CNOT7: variants seen among roughly 807,000 people sequenced by gnomAD.
The protein encoded by CNOT7 is CCR4-NOT transcription complex subunit 7, also known as BTG1-binding factor 1.
Under a neutral mutation model 37.1 loss-of-function variants are expected in CNOT7, and 4 were observed. The ratio of observed to expected loss-of-function variants is 0.11; its 90% confidence interval spans 0.05 to 0.25. The LOEUF is 0.25. Among genes scored for constraint, CNOT7 ranks in the 10% least tolerant of loss-of-function variants. CNOT7 has a pLI of 1.00. For synonymous variants in CNOT7, 128 were observed against 115.6 expected (o/e 1.11, Z -0.69); for missense variants, 170 against 336.2 (o/e 0.51, Z 3.87).
intron 6 of CNOT7, chr8:17,231,476 A>C (rs1248921491): frequency 1.0e-6 from 1 of 965,580 alleles, no homozygotes; most frequent in Non-Finnish European, 1.2e-6. Flanking sequence ...ACGTGTCATG[A>C]ATGGATAGTC....
intron 3 of CNOT7, among the ~76,000 whole-genome samples, chr8:17,240,380 T>C (rs1335926559): frequency 3.9e-5 from 6 of 152,114 alleles, no homozygotes; most frequent in African/African-American, 7.2e-5. Context: ...TCAACAGCTA[T>C]TGTTAGCATT....
chr8:17,232,852 G>C (rs1430134398), intron 5 of CNOT7, among the ~76,000 whole-genome samples: 1 of 152,114 alleles, frequency 6.6e-6, no homozygotes, highest in Non-Finnish European at 1.5e-5. Context: ...TATTTATCAA[G>C]TACACTCATA....
At chr8:17,236,039 T>TA (rs1040741316) in intron 4 of CNOT7, among the ~76,000 whole-genome samples, 7 of 151,932 alleles carry the variant, frequency 4.6e-5, no homozygotes, top group African/African-American at 9.6e-5. Context: ...GAAAAATGAC[T>TA]AAAAAAAAGG....
rs1255353593 is a variant in CNOT7 at position 17,225,721 on chromosome 8, A to ATATT, written c.*4998_*4999insAATA. On this transcript the variant is annotated 3_prime_UTR_variant, in exon 7 of 7. Transcript: ENST00000361272. ...GTTTCTATAATGTCTTAATAGAAAA[A>ATATT]TAAATGACAGGTAACGTTGTTATAA... The ATATT allele has an allele frequency of 6.6e-6, 1 of 151,742 alleles. No homozygotes were observed. Among genetic ancestry groups the ATATT allele is most frequent in the East Asian group, 1.9e-4 (1 of 5,194 alleles). 9.4% of individuals were successfully genotyped at this position (151,742 alleles called of 1,614,324 possible).
At chr8:17,244,046 A>G (rs761570627) in intron 2 of CNOT7, among the ~76,000 whole-genome samples, 7 of 152,318 alleles carry the variant, frequency 4.6e-5, no homozygotes, top group Non-Finnish European at 1.0e-4. Flanking sequence ...AAAGAAATCA[A>G]TATTTCTCTA....
chr8:17,231,390 T>C (rs1245767489), intron 6 of CNOT7: 3 of 308,940 alleles, frequency 9.7e-6, no homozygotes, highest in Non-Finnish European at 1.4e-5. Context: ...ATTTTTAAAA[T>C]GCAAAGCTAA....
rs1259327530 is a variant in CNOT7, at chr8:17,225,123, G to C, written c.*5597C>G. ...GCACTTAAAACCTATGACATGGCTAGTAAGATGTAAAATATTAAGTCCCCT... is the reference window on the plus strand; with the variant it reads ...GCACTTAAAACCTATGACATGGCTACTAAGATGTAAAATATTAAGTCCCCT... On this transcript the variant is annotated 3_prime_UTR_variant, in exon 7 of 7. Coordinates refer to ENST00000361272, the MANE Select transcript of CNOT7 (RefSeq NM_013354.7). The C allele has an allele frequency of 6.6e-6, 1 of 151,738 alleles. No homozygotes were observed. The highest frequency in any genetic ancestry group is 1.5e-5 in the Non-Finnish European group (1 of 67,700). 9.4% of individuals were successfully genotyped at this position (151,738 alleles called of 1,614,324 possible).
chr8:17,244,374 T>C (rs1175719613), intron 2 of CNOT7: 1 of 152,250 alleles, frequency 6.6e-6, no homozygotes, highest in Non-Finnish European at 1.5e-5. Flanking sequence ...TCTGATTTTT[T>C]TGTTTGAGAA....
intron 4 of CNOT7, among the ~76,000 whole-genome samples, chr8:17,235,941 A>G (rs1809295565): frequency 6.6e-6 from 1 of 152,188 alleles, no homozygotes. Context: ...ATTTTGTCAG[A>G]GTATTTTTTA....
At chr8:17,243,445 A>G (rs1477305774) in intron 2 of CNOT7, 4 of 594,122 alleles carry the variant, frequency 6.7e-6, no homozygotes, top group East Asian at 3.7e-5. Context: ...TACTTACTCT[A>G]TAACCAAGAA....
In CNOT7 at chr8:17,230,000, G is replaced by T. The variant is rs1158914926; in HGVS notation, c.*720C>A. 6.6e-6 allele frequency: 1 copy of T among 152,348 alleles called. No individual in the cohort carries two copies. The highest frequency in any genetic ancestry group is 1.5e-5 in the Non-Finnish European group (1 of 67,888). The allele number at this position is 152,348 out of a possible 1,614,324, so 9.4% of individuals were successfully genotyped here. A position where few individuals can be genotyped will look rare whatever the true frequency, so the allele number is the denominator to read the frequency against. On this transcript the variant is annotated 3_prime_UTR_variant, in exon 7 of 7. Coordinates refer to ENST00000361272, the MANE Select transcript of CNOT7 (RefSeq NM_013354.7). ...ATTTTTCCTGAAGGGTGTAAAGCTG[G>T]TTTGAAAATTCTTCAGTCACAGAGC...
At chr8:17,233,957 G>A (rs1808977433) in intron 5 of CNOT7, among the ~76,000 whole-genome samples, 1 of 152,192 alleles carries the variant, frequency 6.6e-6, no homozygotes, top group South Asian at 2.1e-4. Flanking sequence ...AGGAGGCTGA[G>A]GCAGGAGAAT....
chr8:17,226,950 ACTG>A lies in CNOT7; in HGVS notation c.*3767_*3769del, dbSNP rs1808198858. ...AAAAAAATAAAAATAAATCTTTAGC[ACTG>A]CTAAGCCATTGAACGCCTGTGTGGC... is the stretch of plus-strand genomic sequence containing the variant. On this transcript the variant is annotated 3_prime_UTR_variant, in exon 7 of 7. Coordinates refer to ENST00000361272, the MANE Select transcript of CNOT7 (RefSeq NM_013354.7). The A allele has an allele frequency of 6.6e-6, 1 of 151,644 alleles. No homozygotes were observed. The highest frequency in any genetic ancestry group is 2.1e-4 in the South Asian group (1 of 4,828). The allele number at this position is 151,644 out of a possible 1,614,324, so 9.4% of individuals were successfully genotyped here.
rs556702934 is a variant in CNOT7, at chr8:17,229,183, TC to T, written c.*1536del. ...GTTGCCCAAATAAAAATGAACAATA[TC>T]CCCCAAATAAGTATTTCCAAAAGAA... On this transcript the variant is annotated 3_prime_UTR_variant, in exon 7 of 7. Transcript: ENST00000361272. 5.1e-4 allele frequency: 77 copies of T among 151,882 alleles called. No homozygotes were observed. The highest frequency in any genetic ancestry group is 1.8e-3 in the African/African-American group (76 of 41,480). 9.4% of individuals were successfully genotyped at this position (151,882 alleles called of 1,614,324 possible). A position where few individuals can be genotyped will look rare whatever the true frequency, so the allele number is the denominator to read the frequency against.
intron 4 of CNOT7, among the ~76,000 whole-genome samples, chr8:17,236,936 T>C (rs748735890): frequency 7.9e-5 from 12 of 152,170 alleles, no homozygotes; most frequent in Admixed American, 1.3e-4. Context: ...CAATTCCAAA[T>C]GGCGCCGCTG....
chr8:17,243,233 C>T (rs750415023), intron 2 of CNOT7, 48 bp from the exon 3 acceptor site: 2 of 1,410,878 alleles, frequency 1.4e-6, no homozygotes, highest in Admixed American at 2.3e-5. Flanking sequence ...GTCAAAACTA[C>T]AATCCACACA....
Position 17,228,607 on chromosome 8 carries a change from C to T in CNOT7, c.*2113G>A, listed in dbSNP as rs1366327697. On this transcript the variant is annotated 3_prime_UTR_variant, in exon 7 of 7. Transcript: ENST00000361272. ...TCTTTGGTCCTAAGGCGCTCCTAAA[C>T]TTTTGATGGGGTTACCTCTCAATAC... 2.6e-5 allele frequency: 4 copies of T among 151,928 alleles called. No individual in the cohort carries two copies. Among genetic ancestry groups the T allele is most frequent in the Non-Finnish European group, 5.9e-5 (4 of 67,856 alleles). The allele number at this position is 151,928 out of a possible 1,614,324, so 9.4% of individuals were successfully genotyped here. A position where few individuals can be genotyped will look rare whatever the true frequency, so the allele number is the denominator to read the frequency against.
At position 17,226,242 on chromosome 8, in the gene CNOT7, T is replaced by C. The variant is rs1056977538; in HGVS notation, c.*4478A>G. 2 of 151,352 alleles carry C rather than the reference T, an allele frequency of 1.3e-5. No homozygotes were observed. Among genetic ancestry groups the C allele is most frequent in the Admixed American group, 1.3e-4 (2 of 15,146 alleles). 9.4% of individuals were successfully genotyped at this position (151,352 alleles called of 1,614,324 possible). ...TACTAATGGGAATAATGGGATTTTT[T>C]GGCAGGGGACGGGAGGTAACATTTT... On this transcript the variant is annotated 3_prime_UTR_variant, in exon 7 of 7. Transcript: ENST00000361272.
chr8:17,234,416 A>G (rs558034243), intron 5 of CNOT7, among the ~76,000 whole-genome samples: 2 of 152,164 alleles, frequency 1.3e-5, no homozygotes, highest in Non-Finnish European at 2.9e-5. Context: ...GAGAGCCTCA[A>G]TGTCCTCAGA....
Sources: allele counts gnomAD v4.1 joint callset (sites outside exome capture counted in the v4.1 genomes callset), GRCh38; gene constraint gnomAD v4.1.1; transcripts MANE v1.5; gene names NCBI Gene and HGNC (gene_info 2026-07-23, HGNC 2026-07-21).